The following MRE11 variants were observed in gnomAD, a reference collection of about 807,000 sequenced individuals.
The protein encoded by MRE11 is MRE11 double strand break repair nuclease, also known as double-strand break repair protein MRE11.
Under a neutral mutation model 91.7 loss-of-function variants are expected in MRE11, and 62 were observed. That is an observed-to-expected ratio of 0.68 (90% CI 0.55 to 0.84). The LOEUF is 0.84. MRE11 is among the 40% of genes least tolerant of loss of function. MRE11 has a pLI of 0.00. For synonymous variants in MRE11, 273 were observed against 271.4 expected, an observed-to-expected ratio of 1.01 and a Z score of -0.06; for missense variants, 796 against 852.9, an observed-to-expected ratio of 0.93 and a Z score of 0.83.
chr11:94,425,651 G>T (rs1366372283), intron 19 of MRE11, among the ~76,000 whole-genome samples: 1 of 152,124 alleles, frequency 6.6e-6, no homozygotes, highest in Non-Finnish European at 1.5e-5. Context: ...GATGGAGAAA[G>T]ATCTAACATG....
At chr11:94,471,828 G>A in intron 7 of MRE11, 69 bp from the exon 8 acceptor site, 1 of 1,238,108 alleles carries the variant, frequency 8.1e-7, no homozygotes, top group Non-Finnish European at 1.1e-6. Flanking sequence ...AGTCTATACA[G>A]ATCTTTCTTT....
At chr11:94,461,231 G>A (rs531548996) in intron 11 of MRE11, among the ~76,000 whole-genome samples, 195 bp from the exon 12 acceptor site, 9 of 152,228 alleles carry the variant, frequency 5.9e-5, no homozygotes, top group Middle Eastern at 3.4e-3. Flanking sequence ...AGTATTTCTC[G>A]TTCATACCTC....
intron 3 of MRE11, among the ~76,000 whole-genome samples, chr11:94,487,422 A>T (rs1477845374): frequency 6.6e-6 from 1 of 152,210 alleles, no homozygotes; most frequent in Admixed American, 6.5e-5. Context: ...ACTTATAGCC[A>T]ATTTGAGGAA....
intron 4 of MRE11, among the ~76,000 whole-genome samples, chr11:94,485,457 T>C (rs1353287837): frequency 6.6e-6 from 1 of 151,954 alleles, no homozygotes; most frequent in Non-Finnish European, 1.5e-5. Context: ...ATCACAAAGG[T>C]TTACTAATTA....
At chr11:94,478,592 A>G (rs1047149672) in intron 6 of MRE11, 143 bp downstream of exon 6, 9 of 1,015,860 alleles carry the variant, frequency 8.9e-6, no homozygotes, top group Non-Finnish European at 1.1e-5. Context: ...ATTTTTACCA[A>G]AACCATCCAT....
chr11:94,428,948 A>G (rs1360958823), intron 19 of MRE11, among the ~76,000 whole-genome samples: 1 of 152,194 alleles, frequency 6.6e-6, no homozygotes, highest in African/African-American at 2.4e-5. Flanking sequence ...TACGTATCCA[A>G]CAAAGGTCTA....
At chr11:94,503,819 T>G in the MRE11 span, among the ~76,000 whole-genome samples, 27 of 105,226 alleles carry the variant, frequency 2.6e-4, no homozygotes, top group African/African-American at 9.6e-4. Flanking sequence ...AGAGCGAGAC[T>G]CCGTCTCAAA....
chr11:94,461,220 C>T (rs570393993), intron 11 of MRE11, among the ~76,000 whole-genome samples, 184 bp from the exon 12 acceptor site: 1 of 152,180 alleles, frequency 6.6e-6, no homozygotes, highest in East Asian at 1.9e-4. Context: ...TCCCCACAGT[C>T]AGTATTTCTC....
In MRE11 at chr11:94,476,508, C is replaced by T; in HGVS notation, c.545-105G>A. On this transcript the variant is annotated intron_variant, in intron 6 of 19. Transcript: ENST00000323929. The stretch of plus-strand genomic sequence containing the variant: ...GTCCTTCTCAAAGTATTTCACTTTA[C>T]TGTTGGGAGATATATTTGAATTCTG... 6.7e-6 allele frequency: 5 copies of T among 742,496 alleles called. No homozygotes were observed. In the South Asian group the frequency reaches 7.9e-5, roughly 12 times the overall value. The allele number at this position is 742,496 out of a possible 1,614,324, so 46.0% of individuals were successfully genotyped here. A position where few individuals can be genotyped will look rare whatever the true frequency, so the allele number is the denominator to read the frequency against.
At chr11:94,453,432 A>C (rs532078221) in intron 14 of MRE11, among the ~76,000 whole-genome samples, 12 of 152,294 alleles carry the variant, frequency 7.9e-5, no homozygotes, top group African/African-American at 2.6e-4. Flanking sequence ...TTTCATCCCC[A>C]CCACCAATGT....
intron 19 of MRE11, among the ~76,000 whole-genome samples, chr11:94,421,201 C>G (rs1001176532): frequency 6.6e-6 from 1 of 152,076 alleles, no homozygotes; most frequent in Non-Finnish European, 1.5e-5. Context: ...CTTACGTATT[C>G]TATAAATATT....
intron 16 of MRE11, among the ~76,000 whole-genome samples, chr11:94,443,959 G>A (rs1445654120): frequency 1.4e-5 from 2 of 138,858 alleles, no homozygotes; most frequent in African/African-American, 5.5e-5. Context: ...CCGTCACCCA[G>A]TTCAGTGGCA....
chr11:94,438,902 G>A (rs193089905), intron 16 of MRE11, among the ~76,000 whole-genome samples: 82 of 152,334 alleles, frequency 5.4e-4, no homozygotes, highest in Non-Finnish European at 1.0e-3. Context: ...ACATGTAGCT[G>A]TTTGGGTAGC....
chr11:94,448,883 T>C (rs150606857), intron 14 of MRE11, among the ~76,000 whole-genome samples: 31 of 152,248 alleles, frequency 2.0e-4, no homozygotes, highest in African/African-American at 6.3e-4. Context: ...AAAAACAAAA[T>C]ACATTTTCCA....
At chr11:94,506,635 C>T in the MRE11 span, among the ~76,000 whole-genome samples, 75 of 149,698 alleles carry the variant, frequency 5.0e-4, no homozygotes, top group African/African-American at 1.9e-3. Context: ...GTCATCAAGG[C>T]TAGAGTGCAG....
intron 4 of MRE11, among the ~76,000 whole-genome samples, chr11:94,481,604 T>A (rs1947014652): frequency 6.6e-6 from 1 of 152,190 alleles, no homozygotes; most frequent in Non-Finnish European, 1.5e-5. Flanking sequence ...ACACCTAGAT[T>A]TTTAAAATAT....
intron 6 of MRE11, among the ~76,000 whole-genome samples, chr11:94,478,441 T>C (rs1476952294): frequency 6.6e-6 from 1 of 152,138 alleles, no homozygotes; most frequent in Admixed American, 6.5e-5. Flanking sequence ...CAGTGAAGCA[T>C]TAGACCTTTC....
At chr11:94,425,773 G>A (rs1945297936) in intron 19 of MRE11, among the ~76,000 whole-genome samples, 2 of 152,120 alleles carry the variant, frequency 1.3e-5, no homozygotes, top group African/African-American at 2.4e-5. Flanking sequence ...AATGATAAAC[G>A]GTTTGATTCA....
intron 14 of MRE11, among the ~76,000 whole-genome samples, chr11:94,455,952 T>G (rs561234879): frequency 1.3e-5 from 2 of 152,264 alleles, no homozygotes; most frequent in Admixed American, 1.3e-4. Context: ...TAGAGTGTGG[T>G]GGTGCAGCCA....
Sources: allele counts gnomAD v4.1 joint callset (sites outside exome capture counted in the v4.1 genomes callset), GRCh38; gene constraint gnomAD v4.1.1; transcripts MANE v1.5; gene names NCBI Gene and HGNC (gene_info 2026-07-23, HGNC 2026-07-21).